SLC15A1: variants seen among roughly 807,000 people sequenced by gnomAD.
The protein encoded by SLC15A1 is Caco-2 oligopeptide transporter.
Under a neutral mutation model 92.9 loss-of-function variants are expected in SLC15A1, and 83 were observed. The ratio of observed to expected loss-of-function variants is 0.89; its 90% CI spans 0.75 to 1.07. The LOEUF (loss-of-function observed/expected upper bound fraction) is 1.07. Among genes scored for constraint, SLC15A1 ranks in the 50% least tolerant of loss-of-function variants. SLC15A1 has a pLI of 0.00. For missense variants in SLC15A1, 857 were observed against 880.1 expected (o/e 0.97, Z 0.33); for synonymous variants, 322 against 318.2 (o/e 1.01, Z -0.13).
At chr13:98,714,595 A>G (rs2088197081) in intron 9 of SLC15A1, among the ~76,000 whole-genome samples, 1 of 138,592 alleles carries the variant, frequency 7.2e-6, no homozygotes, top group Non-Finnish European at 1.5e-5. Context: ...CAGAGGTTGC[A>G]GTGAGCTGAG....
intron 8 of SLC15A1, among the ~76,000 whole-genome samples, chr13:98,718,053 G>A (rs2088224737): frequency 6.6e-6 from 1 of 152,016 alleles, no homozygotes. Context: ...TGGGGGGCGG[G>A]GGGAGGTGAT....
chr13:98,717,806 CA>C (rs2088222764), intron 8 of SLC15A1, among the ~76,000 whole-genome samples: 1 of 152,168 alleles, frequency 6.6e-6, no homozygotes, highest in Non-Finnish European at 1.5e-5. Flanking sequence ...ACGTGATTGT[CA>C]GCTGAGCAAA....
chr13:98,712,518 A>G lies in SLC15A1; in HGVS notation c.790T>C (p.Trp264Arg). 1 of 1,612,136 alleles carries G rather than the reference A, an allele frequency of 6.2e-7. No homozygotes were observed. The highest frequency in any genetic ancestry group is 8.5e-7 in the Non-Finnish European group (1 of 1,178,858). ...CTTACATCGTATTTCTCTTTAGCCC[A>G]GTCCAGCCAGTGCTCCCTCTTGGGA... Reference protein sequence around the residue: ...AFPKREHWLDWAKEKYDERLI... With the variant: ...AFPKREHWLDRAKEKYDERLI... Residue 264 changes from tryptophan to arginine, a missense_variant, in exon 10 of 23, where the codon TGG becomes CGG. Physicochemically the swap from Trp to Arg is moderately radical, Grantham distance 101. Coordinates refer to ENST00000376503, the MANE Select transcript of SLC15A1 (RefSeq NM_005073.4).
chr13:98,696,110 A>C (rs1246624282), intron 18 of SLC15A1, among the ~76,000 whole-genome samples: 1 of 151,426 alleles, frequency 6.6e-6, no homozygotes, highest in African/African-American at 2.4e-5. Context: ...TTTGAAGACA[A>C]TTTTTTTAAA....
At chr13:98,697,209 C>G (rs957579720) in intron 18 of SLC15A1, among the ~76,000 whole-genome samples, 2 of 152,162 alleles carry the variant, frequency 1.3e-5, no homozygotes, top group African/African-American at 4.8e-5. Flanking sequence ...GCACGCACCA[C>G]CACGCCCGGC....
intron 19 of SLC15A1, 56 bp from the exon 20 acceptor site, chr13:98,688,412 C>T (rs1646330084): frequency 2.5e-6 from 4 of 1,602,576 alleles, no homozygotes; most frequent in Non-Finnish European, 2.6e-6. Flanking sequence ...AATTTCAATG[C>T]ATTTTTTAAA....
At chr13:98,724,094 C>T in intron 4 of SLC15A1, 63 bp from the exon 5 acceptor site, 1 of 1,594,770 alleles carries the variant, frequency 6.3e-7, no homozygotes, top group Non-Finnish European at 8.6e-7. Context: ...CTTTTGACTC[C>T]ACCACAAAAG....
intron 15 of SLC15A1, among the ~76,000 whole-genome samples, chr13:98,707,081 G>A (rs1447997041): frequency 6.6e-6 from 1 of 152,182 alleles, no homozygotes; most frequent in Non-Finnish European, 1.5e-5. Flanking sequence ...CAGAGTTTTT[G>A]TCTTTTTTCT....
chr13:98,717,275 A>G (rs2088217636), intron 8 of SLC15A1, among the ~76,000 whole-genome samples: 1 of 152,214 alleles, frequency 6.6e-6, no homozygotes, highest in East Asian at 1.9e-4. Context: ...ATTCTTGCCC[A>G]ATGTCAACAT....
chr13:98,732,344 G>A (rs4646213), intron 1 of SLC15A1, among the ~76,000 whole-genome samples: 14,036 of 152,146 alleles, frequency 0.092, 815 homozygotes, highest in African/African-American at 0.16. Context: ...TGCAATCACT[G>A]AATAAACACA....
chr13:98,743,337 G>T (rs1286404452), intron 1 of SLC15A1, among the ~76,000 whole-genome samples: 1 of 152,156 alleles, frequency 6.6e-6, no homozygotes, highest in Non-Finnish European at 1.5e-5. Context: ...TAAAATCATA[G>T]GCTGAAGAGG....
Position 98,684,877 on chromosome 13 carries a change from G to C in SLC15A1, c.1974C>G (p.Val658=), listed in dbSNP as rs773775385. 3.1e-6 allele frequency: 5 copies of C among 1,613,984 alleles called. No individual in the cohort carries two copies. The South Asian group carries it at 4.4e-5, about 14-fold the overall frequency. The change falls in exon 23 of 23, where the codon GTC becomes GTG. Residue 658 remains valine, a synonymous_variant. Coordinates refer to ENST00000376503, the MANE Select transcript of SLC15A1 (RefSeq NM_005073.4). ...EYILFAALLL[V]VCVIFAIMAR... ...CCATGATGGCAAAAATTACACAGAC[G>C]ACCAGAAGCAACGCGGCAAATAGAA...
At chr13:98,747,141 AC>A (rs1310758125) in intron 1 of SLC15A1, among the ~76,000 whole-genome samples, 2 of 152,178 alleles carry the variant, frequency 1.3e-5, no homozygotes, top group Non-Finnish European at 1.5e-5. Context: ...GGACAAAGGT[AC>A]AAAAGAGTGA....
chr13:98,721,605 G>A lies in SLC15A1; in HGVS notation c.466-20C>T, dbSNP rs753160997. On this transcript the variant is annotated intron_variant, in intron 6 of 22. Coordinates refer to ENST00000376503, the MANE Select transcript of SLC15A1 (RefSeq NM_005073.4). ...TTTCTCCTGCAATGAAAAGGAGAAAGTAAGATGACTTTGGCTATCAATCCA... is the reference window on the plus strand; with the variant it reads ...TTTCTCCTGCAATGAAAAGGAGAAAATAAGATGACTTTGGCTATCAATCCA... The A allele has an allele frequency of 6.5e-7, 1 of 1,540,790 alleles. No homozygotes were observed. The highest frequency in any genetic ancestry group is 8.9e-7 in the Non-Finnish European group (1 of 1,124,832).
chr13:98,731,955 C>A lies in SLC15A1; in HGVS notation c.5-5096G>T, dbSNP rs1193579650. Reference sequence around the variant, plus strand: ...CTGAAAGTGTGTATTCCAAGAACTGCTTTTATTATTACAGGGCAGAGGTTG... The same window carrying A: ...CTGAAAGTGTGTATTCCAAGAACTGATTTTATTATTACAGGGCAGAGGTTG... On this transcript the variant is annotated intron_variant, in intron 1 of 22. Coordinates refer to ENST00000376503, the MANE Select transcript of SLC15A1 (RefSeq NM_005073.4). Among the ~76,000 whole-genome samples the A allele has an allele frequency of 2.6e-5, 4 of 152,164 alleles. No homozygotes were observed. In the East Asian group the frequency reaches 7.7e-4, roughly 29 times the overall value.
intron 2 of SLC15A1, 140 bp from the exon 3 acceptor site, chr13:98,726,589 T>G (rs1409626649): frequency 3.7e-6 from 3 of 815,782 alleles, no homozygotes; most frequent in African/African-American, 3.4e-5. Flanking sequence ...AAACTAGCAT[T>G]TAATCATTTT....
chr13:98,724,633 G>A (rs568685421), intron 4 of SLC15A1, among the ~76,000 whole-genome samples: 12 of 152,144 alleles, frequency 7.9e-5, no homozygotes, highest in African/African-American at 1.9e-4. Context: ...CACCATGCCC[G>A]GCTAATTTTT....
chr13:98,712,180 A>C (rs530927266), intron 10 of SLC15A1, among the ~76,000 whole-genome samples: 6 of 152,306 alleles, frequency 3.9e-5, no homozygotes, highest in African/African-American at 1.4e-4. Flanking sequence ...GAATTTACTA[A>C]ATGTAAATCC....
At chr13:98,699,947 T>C (rs1396882785) in intron 18 of SLC15A1, among the ~76,000 whole-genome samples, 1 of 152,224 alleles carries the variant, frequency 6.6e-6, no homozygotes, top group African/African-American at 2.4e-5. Context: ...TTTGCGTTTT[T>C]AATTGGGTTA....
Sources: gnomAD v4.1 joint callset for allele counts (sites outside exome capture counted in the v4.1 genomes callset) on GRCh38, gnomAD v4.1.1 for gene constraint, MANE v1.5 for transcripts, NCBI Gene and HGNC (gene_info 2026-07-23, HGNC 2026-07-21) for gene names.